TECRL: variants seen among roughly 807,000 people sequenced by gnomAD.
TECRL encodes the protein trans-2,3-enoyl-CoA reductase-like.
TECRL carries 63 observed loss-of-function variants against 52.8 expected under a neutral mutation model. That is an observed-to-expected ratio of 1.19 (90% CI 0.97 to 1.47). TECRL has a LOEUF of 1.47. Ranked by LOEUF, TECRL falls within the 40% of genes most tolerant of loss-of-function variation. The pLI is 0.00. For missense variants in TECRL, 482 were observed against 429.6 expected (o/e 1.12, Z -1.08); for synonymous variants, 164 against 141.9 (o/e 1.16, Z -1.10).
rs1187969785 is a variant in TECRL at position 64,281,089 on chromosome 4, G to T, written c.919-3C>A. ...GTGAAACTAATCCATGATCCAATCT[G>T]TTATATTAAAACTTAAATTAGCACA... On this transcript the variant is annotated splice_region_variant and splice_polypyrimidine_tract_variant and intron_variant, in intron 10 of 11. Transcript: ENST00000381210. 1 of 1,596,288 alleles carries T rather than the reference G, an allele frequency of 6.3e-7. No individual in the cohort carries two copies. Among genetic ancestry groups the T allele is most frequent in the African/African-American group, 1.3e-5 (1 of 74,660 alleles).
intron 7 of TECRL, 28 bp from the exon 8 acceptor site, chr4:64,300,045 G>T (rs758361489): frequency 6.5e-7 from 1 of 1,533,126 alleles, no homozygotes; most frequent in Middle Eastern, 1.8e-4. Flanking sequence ...AATATGTCAT[G>T]CAGATACTCA....
chr4:64,305,040 A>G (rs544949592), intron 7 of TECRL, 126 bp downstream of exon 7: 1 of 634,138 alleles, frequency 1.6e-6, no homozygotes, highest in Non-Finnish European at 2.6e-6. Flanking sequence ...TTAAAGAAAT[A>G]TGATATGAAA....
At chr4:64,382,874 C>A (rs943503653) in intron 1 of TECRL, among the ~76,000 whole-genome samples, 3 of 151,926 alleles carry the variant, frequency 2.0e-5, no homozygotes, top group Admixed American at 2.0e-4. Flanking sequence ...GTCTGCTCCA[C>A]CCATGAGTTT....
chr4:64,337,675 C>T (rs1344607351), intron 2 of TECRL, among the ~76,000 whole-genome samples: 1 of 152,128 alleles, frequency 6.6e-6, no homozygotes, highest in African/African-American at 2.4e-5. Flanking sequence ...CTCCCATTCA[C>T]AATTGCTTCA....
chr4:64,324,208 G>A (rs547216835), intron 3 of TECRL, among the ~76,000 whole-genome samples: 1 of 152,092 alleles, frequency 6.6e-6, no homozygotes, highest in African/African-American at 2.4e-5. Context: ...GGGAAGATAT[G>A]TAAAAAAATA....
At chr4:64,349,411 G>A (rs953828372) in intron 2 of TECRL, among the ~76,000 whole-genome samples, 10 of 152,124 alleles carry the variant, frequency 6.6e-5, no homozygotes, top group African/African-American at 2.4e-4. Context: ...GATTATAGGT[G>A]TGAGCCACCT....
chr4:64,357,243 G>C (rs1236498197), intron 2 of TECRL, among the ~76,000 whole-genome samples: 3 of 151,904 alleles, frequency 2.0e-5, no homozygotes, highest in African/African-American at 7.2e-5. Context: ...GTCATGGAAA[G>C]ATAAGAATTG....
At chr4:64,292,519 C>T (rs1446520738) in intron 8 of TECRL, among the ~76,000 whole-genome samples, 2 of 151,894 alleles carry the variant, frequency 1.3e-5, no homozygotes, top group African/African-American at 4.8e-5. Context: ...TTGAACACTA[C>T]ATGTAAGAAG....
chr4:64,305,185 A>G lies in TECRL; in HGVS notation c.711T>C (p.His237=). The G allele has an allele frequency of 6.2e-7, 1 of 1,612,722 alleles. No homozygotes were observed. The highest frequency in any genetic ancestry group is 8.5e-7 in the Non-Finnish European group (1 of 1,179,088). The part of the protein sequence containing the change: ...FTSWIAYYIN[H]PLYTPPSFGN... The stretch of plus-strand genomic sequence containing the variant: ...ACATACATGGTGGTGTATATAGTGG[A>G]TGATTAATGTAGTAGGCAATCCAAG... Residue 237 remains histidine (H), a synonymous_variant, in exon 7 of 12, where the codon CAT becomes CAC. Coordinates refer to ENST00000381210, the MANE Select transcript of TECRL (RefSeq NM_001010874.5).
In TECRL at chr4:64,375,220, T is replaced by A; in HGVS notation, c.238A>T (p.Thr80Ser). The change falls in exon 2 of 12, where the codon ACA becomes TCA. Residue 80 changes from threonine (T) to serine (S), a missense_variant. Coordinates refer to ENST00000381210, the MANE Select transcript of TECRL (RefSeq NM_001010874.5). Reference protein sequence around the residue: ...RKQICILDKVTQSSTIHDVKQ... With the variant: ...RKQICILDKVSQSSTIHDVKQ... Reference sequence around the variant, plus strand: ...ACATCATGAATAGTAGATGATTGTGTCACCTGAAAAGGAAAAGAAAATAGA... The same window carrying A: ...ACATCATGAATAGTAGATGATTGTGACACCTGAAAAGGAAAAGAAAATAGA... 1.4e-6 allele frequency: 2 copies of A among 1,405,258 alleles called. No individual in the cohort carries two copies. The highest frequency in any genetic ancestry group is 5.6e-5 in the East Asian group (2 of 35,466). 87.0% of individuals were successfully genotyped at this position (1,405,258 alleles called of 1,614,324 possible).
At chr4:64,370,996 T>C (rs1317247176) in intron 2 of TECRL, among the ~76,000 whole-genome samples, 1 of 151,724 alleles carries the variant, frequency 6.6e-6, no homozygotes, top group Non-Finnish European at 1.5e-5. Context: ...CATTCAATAT[T>C]TTCACACACT....
intron 1 of TECRL, among the ~76,000 whole-genome samples, chr4:64,392,195 G>A (rs191786567): frequency 7.2e-5 from 11 of 151,834 alleles, no homozygotes; most frequent in Non-Finnish European, 1.3e-4. Context: ...TTCCAGCTTC[G>A]GTCTGGTGAT....
chr4:64,293,314 T>C (rs545256848), intron 8 of TECRL, among the ~76,000 whole-genome samples: 5 of 152,264 alleles, frequency 3.3e-5, no homozygotes, highest in Non-Finnish European at 5.9e-5. Flanking sequence ...TTTTAATCAG[T>C]ACTTCCAAAT....
intron 4 of TECRL, among the ~76,000 whole-genome samples, chr4:64,321,831 C>T (rs1717920954): frequency 6.6e-6 from 1 of 152,140 alleles, no homozygotes; most frequent in African/African-American, 2.4e-5. Context: ...AGGAAGTTTA[C>T]TTTTTCATGG....
chr4:64,290,351 T>A, intron 8 of TECRL, among the ~76,000 whole-genome samples: 1 of 152,160 alleles, frequency 6.6e-6, no homozygotes, highest in East Asian at 1.9e-4. Flanking sequence ...CACCATCGCC[T>A]GAGACTAATA....
At chr4:64,336,793 T>A (rs1286824536) in intron 2 of TECRL, among the ~76,000 whole-genome samples, 2 of 152,224 alleles carry the variant, frequency 1.3e-5, no homozygotes, top group East Asian at 3.9e-4. Context: ...AGCAGGTTGT[T>A]CAGTTTCCAT....
At chr4:64,285,832 G>A (rs1198826209) in intron 9 of TECRL, among the ~76,000 whole-genome samples, 3 of 152,062 alleles carry the variant, frequency 2.0e-5, no homozygotes, top group Non-Finnish European at 4.4e-5. Context: ...TGCTCAGAGA[G>A]GGAAGGCATC....
chr4:64,341,310 G>A (rs943259988), intron 2 of TECRL, among the ~76,000 whole-genome samples: 5 of 152,114 alleles, frequency 3.3e-5, no homozygotes, highest in Admixed American at 3.3e-4. Context: ...TAACAAAAAT[G>A]GAGCTAAAGG....
At chr4:64,336,167 T>C (rs1015498062) in intron 2 of TECRL, among the ~76,000 whole-genome samples, 1 of 151,716 alleles carries the variant, frequency 6.6e-6, no homozygotes, top group African/African-American at 2.4e-5. Context: ...TGGTAAGCTG[T>C]TAATTATTGC....
Sources: allele counts gnomAD v4.1 joint callset (sites outside exome capture counted in the v4.1 genomes callset), GRCh38; gene constraint gnomAD v4.1.1; transcripts MANE v1.5; gene names NCBI Gene and HGNC (gene_info 2026-07-23, HGNC 2026-07-21).